Variants in JADE3 observed in about 807,000 individuals in gnomAD.
JADE3 encodes the protein protein Jade-3.
JADE3 carries 2 observed loss-of-function variants against 50.1 expected under a neutral mutation model. The ratio of observed to expected loss-of-function variants is 0.04; its 90% CI spans 0.02 to 0.13. The LOEUF (loss-of-function observed/expected upper bound fraction) is 0.13. Among genes scored for constraint, JADE3 ranks in the 10% least tolerant of loss-of-function variants. JADE3 has a pLI of 1.00. For missense variants in JADE3, 475 were observed against 634.4 expected, an observed-to-expected ratio of 0.75 and a Z score of 2.70; for synonymous variants, 218 against 232.9, an observed-to-expected ratio of 0.94 and a Z score of 0.58.
At chrX:47,005,302 G>C (rs1556360098) in intron 4 of JADE3, among the ~76,000 whole-genome samples, 3 of 111,375 alleles carry the variant, frequency 2.7e-5, no homozygotes, top group African/African-American at 9.8e-5. Flanking sequence ...GTGCAATGGT[G>C]CCATCTCTGC....
chrX:46,985,037 A>G (rs781926919), intron 2 of JADE3, 97 bp downstream of exon 2: 24 of 694,970 alleles, frequency 3.5e-5, no homozygotes, highest in South Asian at 7.8e-5. Context: ...GCTTTTTTCA[A>G]TGGTTGAAAA....
intron 3 of JADE3, among the ~76,000 whole-genome samples, chrX:46,996,863 G>A (rs1928140562): frequency 8.9e-6 from 1 of 112,030 alleles, no homozygotes; most frequent in Admixed American, 9.5e-5. Context: ...CTAGGATGTG[G>A]ACATATCTTT....
At chrX:46,917,620 GAAGA>G (rs1322402142) in intron 1 of JADE3, among the ~76,000 whole-genome samples, 2 of 111,044 alleles carry the variant, frequency 1.8e-5, no homozygotes, top group Admixed American at 9.6e-5. Context: ...CACTGAGGTG[GAAGA>G]GAGATGTGGA....
chrX:46,929,018 C>T (rs1193679815), intron 1 of JADE3, among the ~76,000 whole-genome samples: 4 of 112,062 alleles, frequency 3.6e-5, no homozygotes, highest in East Asian at 2.8e-4. Context: ...GCCATGCTAC[C>T]GTTGTGAAAA....
At chrX:46,964,652 G>A (rs1927332818) in intron 1 of JADE3, among the ~76,000 whole-genome samples, 1 of 112,244 alleles carries the variant, frequency 8.9e-6, no homozygotes, top group South Asian at 3.7e-4. Context: ...GTGATAAAGT[G>A]GTGGTGGTTT....
At chrX:46,919,422 A>G (rs1926173732) in intron 1 of JADE3, among the ~76,000 whole-genome samples, 1 of 112,207 alleles carries the variant, frequency 8.9e-6, no homozygotes, top group Admixed American at 9.4e-5. Flanking sequence ...ATTTGTACCT[A>G]AGAGAGGAAA....
At chrX:46,974,073 T>C (rs1556351072) in intron 1 of JADE3, among the ~76,000 whole-genome samples, 1 of 104,479 alleles carries the variant, frequency 9.6e-6, no homozygotes, top group Non-Finnish European at 1.9e-5. Context: ...AGAGCGAAAC[T>C]CCATCTCAGA....
chrX:46,938,525 A>C (rs782632251), intron 1 of JADE3, among the ~76,000 whole-genome samples: 34 of 111,958 alleles, frequency 3.0e-4, no homozygotes, highest in Non-Finnish European at 4.3e-4. Flanking sequence ...ATTCCTTCAC[A>C]CATTGTTACC....
intron 8 of JADE3, among the ~76,000 whole-genome samples, chrX:47,048,197 T>A (rs1929419799): frequency 9.0e-6 from 1 of 111,520 alleles, no homozygotes; most frequent in Non-Finnish European, 1.9e-5. Context: ...ATCACATCGT[T>A]AGCATAGACT....
intron 4 of JADE3, among the ~76,000 whole-genome samples, chrX:47,007,981 A>C (rs1453046403): frequency 9.0e-6 from 1 of 111,049 alleles, no homozygotes; most frequent in Non-Finnish European, 1.9e-5. Context: ...AGTAACATTG[A>C]ATTTGTAATT....
chrX:46,945,143 A>G (rs1043785287), intron 1 of JADE3, among the ~76,000 whole-genome samples: 5 of 109,114 alleles, frequency 4.6e-5, no homozygotes, highest in African/African-American at 1.7e-4. Context: ...CCCAGTCCAT[A>G]TGTGTATTTT....
At chrX:47,055,715 G>A (rs1028945995) in intron 9 of JADE3, among the ~76,000 whole-genome samples, 1 of 112,042 alleles carries the variant, frequency 8.9e-6, no homozygotes, top group Non-Finnish European at 1.9e-5. Context: ...TTAGAAAATT[G>A]TACTGGATAC....
intron 1 of JADE3, among the ~76,000 whole-genome samples, chrX:46,938,591 A>G (rs1471242717): frequency 1.8e-5 from 2 of 112,307 alleles, no homozygotes; most frequent in Non-Finnish European, 3.8e-5. Context: ...AGGATAGTAT[A>G]TTGTATTTAT....
chrX:47,050,338 A>T (rs1273588951), intron 8 of JADE3, among the ~76,000 whole-genome samples: 1 of 111,900 alleles, frequency 8.9e-6, no homozygotes, highest in Non-Finnish European at 1.9e-5. Flanking sequence ...TCAAATCAGG[A>T]TATTTAGCAT....
intron 8 of JADE3, among the ~76,000 whole-genome samples, chrX:47,041,052 C>A (rs1556369502): frequency 9.0e-6 from 1 of 111,223 alleles, no homozygotes; most frequent in Non-Finnish European, 1.9e-5. Flanking sequence ...AAAACTCTTT[C>A]CATGGAGACT....
intron 4 of JADE3, among the ~76,000 whole-genome samples, chrX:47,000,230 G>A (rs1556358689): frequency 9.0e-6 from 1 of 111,343 alleles, no homozygotes; most frequent in Non-Finnish European, 1.9e-5. Flanking sequence ...CTAAAAATCA[G>A]AGTAGCATCA....
intron 1 of JADE3, among the ~76,000 whole-genome samples, chrX:46,950,417 C>T (rs1407242097): frequency 3.6e-5 from 4 of 112,394 alleles, no homozygotes; most frequent in East Asian, 2.8e-4. Context: ...GATTCTTTCA[C>T]GTAGTATAAT....
intron 1 of JADE3, among the ~76,000 whole-genome samples, chrX:46,951,110 G>A (rs1242817019): frequency 9.5e-6 from 1 of 105,578 alleles, no homozygotes; most frequent in Non-Finnish European, 2.0e-5. Context: ...ACAGAGTCTC[G>A]CTCTGTTGCC....
At chrX:46,946,699 G>A (rs1488316486) in intron 1 of JADE3, among the ~76,000 whole-genome samples, 2 of 112,092 alleles carry the variant, frequency 1.8e-5, no homozygotes, top group Non-Finnish European at 3.8e-5. Context: ...GCCGATTTGC[G>A]TGCATGGCTT....
Sources: gnomAD v4.1 joint callset for allele counts (sites outside exome capture counted in the v4.1 genomes callset) on GRCh38, gnomAD v4.1.1 for gene constraint, MANE v1.5 for transcripts, NCBI Gene and HGNC (gene_info 2026-07-23, HGNC 2026-07-21) for gene names.